WASHC4: variants seen among roughly 807,000 people sequenced by gnomAD.
WASHC4 encodes WASH complex subunit 4, also known as WASH complex subunit 7.
In WASHC4, 86 loss-of-function variants were observed where a neutral mutation model predicts 166.6. The observed-to-expected ratio is 0.52, with a 90% CI of 0.43 to 0.62. The LOEUF (loss-of-function observed/expected upper bound fraction) is 0.62. Among genes scored for constraint, WASHC4 ranks in the 20% least tolerant of loss-of-function variants. The pLI is 0.00. For missense variants in WASHC4, 1,262 were observed against 1,382.4 expected, an observed-to-expected ratio of 0.91 and a Z score of 1.38; for synonymous variants, 446 against 451.6, an observed-to-expected ratio of 0.99 and a Z score of 0.16.
At chr12:105,133,147 A>G (rs1787314269) in intron 13 of WASHC4, among the ~76,000 whole-genome samples, 1 of 150,778 alleles carries the variant, frequency 6.6e-6, no homozygotes, top group East Asian at 2.0e-4. Flanking sequence ...CTTCCCCATC[A>G]CCCCACTCCC....
intron 28 of WASHC4, 133 bp downstream of exon 28, chr12:105,157,455 A>T: frequency 1.7e-6 from 1 of 596,696 alleles, no homozygotes; most frequent in Non-Finnish European, 3.0e-6. Flanking sequence ...ATGAAGTATA[A>T]TTTTTAAGAC....
chr12:105,115,832 T>G, intron 6 of WASHC4, 104 bp downstream of exon 6: 1 of 772,916 alleles, frequency 1.3e-6, no homozygotes, highest in Non-Finnish European at 2.3e-6. Context: ...AGATGTGTAC[T>G]CTGAGGATAA....
intron 16 of WASHC4, 124 bp downstream of exon 16, chr12:105,140,525 TA>T: frequency 1.3e-6 from 1 of 745,342 alleles, no homozygotes; most frequent in Non-Finnish European, 2.3e-6. Flanking sequence ...TATGCTCGGT[TA>T]TTTATCTCCA....
intron 1 of WASHC4, among the ~76,000 whole-genome samples, chr12:105,109,647 G>GTTT (rs1879455282): frequency 2.6e-5 from 3 of 113,314 alleles, no homozygotes; most frequent in African/African-American, 1.1e-4. Context: ...CTCTAGCATT[G>GTTT]TCTTTTTTTT....
chr12:105,136,977 A>T (rs1386712914), intron 14 of WASHC4, among the ~76,000 whole-genome samples: 1 of 152,120 alleles, frequency 6.6e-6, no homozygotes, highest in Non-Finnish European at 1.5e-5. Flanking sequence ...CAGGAGCAAA[A>T]GTTTGAGGAA....
rs373532062 is a variant in WASHC4 at position 105,140,848 on chromosome 12, G to C, written c.1561-51G>C. ...GATAATCAAGAAGTTTTTCTTCTGA[G>C]TCTTTTGTTACTGCCTCAGAAACAA... On this transcript the variant is annotated intron_variant, in intron 16 of 32. Transcript: ENST00000332180. 1.5e-5 allele frequency: 24 copies of C among 1,561,902 alleles called. No individual in the cohort carries two copies. In the African/African-American group the frequency reaches 3.2e-4, roughly 21 times the overall value.
chr12:105,121,508 T>C (rs1438623332), intron 9 of WASHC4, among the ~76,000 whole-genome samples: 1 of 152,118 alleles, frequency 6.6e-6, no homozygotes, highest in Non-Finnish European at 1.5e-5. Context: ...GTGACAGTTT[T>C]TTCTTCTTTT....
chr12:105,126,522 A>G lies in WASHC4; in HGVS notation c.1038+160A>G, dbSNP rs949913833. Among the ~76,000 whole-genome samples the G allele has an allele frequency of 4.5e-4, 69 of 152,046 alleles. 1 individual carries two copies. The highest frequency in any genetic ancestry group is 1.3e-4 in the Admixed American group (2 of 15,280). On this transcript the variant is annotated intron_variant, in intron 12 of 32. Transcript: ENST00000332180. ...CAGAAATAAGTAACTTAGTGAATGA[A>G]AATACGTCGTATTTCTACATCATAT... is the stretch of plus-strand genomic sequence containing the variant.
chr12:105,150,412 A>T (rs1592906281), intron 25 of WASHC4, among the ~76,000 whole-genome samples: 1 of 152,236 alleles, frequency 6.6e-6, no homozygotes, highest in African/African-American at 2.4e-5. Context: ...AGGAAATGTG[A>T]ACATTTAAAA....
At chr12:105,133,492 T>C (rs1882044300) in intron 13 of WASHC4, among the ~76,000 whole-genome samples, 2 of 152,168 alleles carry the variant, frequency 1.3e-5, no homozygotes, top group Admixed American at 1.3e-4. Context: ...TTCATTATTA[T>C]ACAGCTCTCC....
intron 7 of WASHC4, 148 bp downstream of exon 7, chr12:105,118,676 G>T (rs138398093): frequency 1.5e-6 from 1 of 682,148 alleles, no homozygotes; most frequent in Non-Finnish European, 2.7e-6. Context: ...TGTATCATAC[G>T]TAGGTTAGTA....
rs1880811716 is a variant in WASHC4, at chr12:105,122,151, A to C, written c.699A>C (p.Lys233Asn). ...AATCTGTCCATCACAATCCTTCAAA[A>C]TTTGGAATTCAGGAAGAAAAATTAA... Reference protein sequence around the residue: ...LLKSVHHNPSKFGIQEEKLKP... With the variant: ...LLKSVHHNPSNFGIQEEKLKP... The change falls in exon 10 of 33, where the codon AAA becomes AAC. Residue 233 changes from lysine (K) to asparagine (N), a missense_variant. Transcript: ENST00000332180. The C allele has an allele frequency of 1.2e-6, 2 of 1,608,500 alleles. No individual in the cohort carries two copies. Among genetic ancestry groups the C allele is most frequent in the Non-Finnish European group, 1.7e-6 (2 of 1,175,484 alleles).
At position 105,144,559 on chromosome 12, in the gene WASHC4, A is replaced by G. The variant is rs541551659; in HGVS notation, c.2179+104A>G. On this transcript the variant is annotated intron_variant, in intron 21 of 32. Coordinates refer to ENST00000332180, the MANE Select transcript of WASHC4 (RefSeq NM_015275.3). ...GGGTATATTTAAATTTTGTGTTGTT[A>G]TTCTTTAATTACATTTTGTTTCTTT... 263 of 1,165,384 alleles carry G rather than the reference A, an allele frequency of 2.3e-4. 2 individuals are homozygous for G. In the South Asian group the frequency reaches 3.3e-3, roughly 15 times the overall value. The allele number at this position is 1,165,384 out of a possible 1,614,324, so 72.2% of individuals were successfully genotyped here. A position where few individuals can be genotyped will look rare whatever the true frequency, so the allele number is the denominator to read the frequency against.
intron 15 of WASHC4, 133 bp from the exon 16 acceptor site, chr12:105,140,161 A>G (rs1882705585): frequency 2.9e-6 from 2 of 692,442 alleles, no homozygotes; most frequent in Non-Finnish European, 2.5e-6. Context: ...GTGAGCCACC[A>G]CGCCAGGACT....
chr12:105,109,089 T>C (rs1439835914), intron 1 of WASHC4, among the ~76,000 whole-genome samples: 1 of 152,292 alleles, frequency 6.6e-6, no homozygotes, highest in East Asian at 1.9e-4. Context: ...TGAGCCGAGA[T>C]CGCGCCATTG....
At chr12:105,147,999 G>A (rs1776531943) in intron 24 of WASHC4, 2 of 985,194 alleles carry the variant, frequency 2.0e-6, no homozygotes, top group South Asian at 4.7e-5. Flanking sequence ...AAAAAGAGAA[G>A]TCTTTGAATT....
intron 24 of WASHC4, chr12:105,147,876 GC>G: frequency 1.1e-6 from 1 of 934,476 alleles, no homozygotes; most frequent in Non-Finnish European, 1.3e-6. Context: ...TTGCACTCCA[GC>G]TTGGGCAGCA....
intron 26 of WASHC4, among the ~76,000 whole-genome samples, chr12:105,153,092 G>A (rs900154232): frequency 6.6e-6 from 1 of 152,164 alleles, no homozygotes; most frequent in Non-Finnish European, 1.5e-5. Context: ...AGAGAAAGAA[G>A]TAAGTCATGT....
intron 7 of WASHC4, among the ~76,000 whole-genome samples, chr12:105,119,935 A>C (rs1205847588): frequency 6.6e-6 from 1 of 152,186 alleles, no homozygotes; most frequent in African/African-American, 2.4e-5. Context: ...CTGATTCCTA[A>C]AGACCAGTTT....
Sources: gnomAD v4.1 joint callset for allele counts (sites outside exome capture counted in the v4.1 genomes callset) on GRCh38, gnomAD v4.1.1 for gene constraint, MANE v1.5 for transcripts, NCBI Gene and HGNC (gene_info 2026-07-23, HGNC 2026-07-21) for gene names.